Variants in MN1 observed in about 807,000 individuals in gnomAD.
MN1 encodes transcriptional activator MN1.
In MN1, 19 loss-of-function variants were observed where a neutral mutation model predicts 86.9. The observed-to-expected ratio is 0.22, with a 90% confidence interval of 0.15 to 0.32. MN1 has a LOEUF of 0.32. Ranked by LOEUF, MN1 falls within the 10% of genes least tolerant of loss-of-function variation. The probability of loss-of-function intolerance (pLI) is 1.00; values close to 1 mark genes in which losing one functional copy is unlikely to be tolerated. For missense variants in MN1, 1,841 were observed against 1,862.0 expected (o/e 0.99, Z 0.21); for synonymous variants, 928 against 849.6 (o/e 1.09, Z -1.60).
chr22:27,797,854 C>T lies in MN1; in HGVS notation c.2690G>A (p.Ser897Asn). 1.9e-6 allele frequency: 3 copies of T among 1,582,254 alleles called. No homozygotes were observed. Among genetic ancestry groups the T allele is most frequent in the South Asian group, 1.1e-5 (1 of 87,596 alleles). ...CCCCGAGGCTTTGGAGCCGCTGCTA[C>T]TGGTCCCGGACGGGCCTCCGGGTCC... ...APGPGGPSGTSSSGSKASGPP... is the reference protein window; with the variant it reads ...APGPGGPSGTNSSGSKASGPP... The change falls in exon 1 of 2, where the codon AGT (serine) becomes AAT (asparagine). Residue 897 changes from serine (S) to asparagine (N), a missense_variant. Coordinates refer to ENST00000302326, the MANE Select transcript of MN1 (RefSeq NM_002430.3).
chr22:27,799,985 G>A lies in MN1; in HGVS notation c.559C>T (p.Pro187Ser). 1 of 1,602,966 alleles carries A rather than the reference G, an allele frequency of 6.2e-7. No individual in the cohort carries two copies. Among genetic ancestry groups the A allele is most frequent in the Non-Finnish European group, 8.5e-7 (1 of 1,176,918 alleles). Residue 187 changes from proline to serine, a missense_variant, in exon 1 of 2, where the codon CCG becomes TCG. Pro to Ser is a moderately conservative substitution (Grantham distance 74). Transcript: ENST00000302326. ...TGGTCCAGCGGCAGGCATGGGGCCG[G>A]CACGGCGTGGCTGGAGGCACCTGAA... ...HSSGASSHAV[P>S]APCLPLDQSP...
chr22:27,775,610 G>A (rs562249869), intron 1 of MN1, among the ~76,000 whole-genome samples: 3 of 152,304 alleles, frequency 2.0e-5, no homozygotes, highest in African/African-American at 7.2e-5. Flanking sequence ...TGCTCAGGAC[G>A]TGCTGATGGA....
chr22:27,798,739 T>G lies in MN1; in HGVS notation c.1805A>C (p.Asn602Thr). The G allele has an allele frequency of 6.5e-7, 1 of 1,535,646 alleles. No homozygotes were observed. Among genetic ancestry groups the G allele is most frequent in the South Asian group, 1.2e-5 (1 of 84,086 alleles). ...CGTGCTGCCGCCTTCGCGCTCAAAGTTCGGCTGGGCCAAGCCGCCCACCGG... is the reference window on the plus strand; with the variant it reads ...CGTGCTGCCGCCTTCGCGCTCAAAGGTCGGCTGGGCCAAGCCGCCCACCGG... ...GGPVGGLAQP[N>T]FEREGGSTGA... is the part of the protein sequence containing the mutation. The change falls in exon 1 of 2, where the codon AAC (asparagine) becomes ACC (threonine). Residue 602 changes from asparagine to threonine, a missense_variant. Asn to Thr is a moderately conservative substitution (Grantham distance 65). Transcript: ENST00000302326.
chr22:27,768,262 T>C lies in MN1; in HGVS notation c.3782-17166A>G, dbSNP rs181535926. On this transcript the variant is annotated intron_variant, in intron 1 of 1. Transcript: ENST00000302326. Reference sequence around the variant, plus strand: ...AGAGGGTGAGAGATGGGCATACTCATCCAGGGGTTAGGGAGAGAGTCTGAT... The same window carrying C: ...AGAGGGTGAGAGATGGGCATACTCACCCAGGGGTTAGGGAGAGAGTCTGAT... Among the ~76,000 whole-genome samples, 537 of 152,232 alleles carry C rather than the reference T, an allele frequency of 3.5e-3. 15 individuals carry two copies. The highest frequency in any genetic ancestry group is 0.033 in the Admixed American group (503 of 15,278).
intron 1 of MN1, among the ~76,000 whole-genome samples, chr22:27,752,928 C>T (rs577835088): frequency 6.6e-6 from 1 of 152,324 alleles, no homozygotes; most frequent in East Asian, 1.9e-4. Flanking sequence ...CAGGAGTCAC[C>T]GGCCCGCCCT....
At chr22:27,751,159 G>C in intron 1 of MN1, 63 bp from the exon 2 acceptor site, 1 of 1,426,190 alleles carries the variant, frequency 7.0e-7, no homozygotes, top group Non-Finnish European at 9.4e-7. Flanking sequence ...ACACCATAAT[G>C]GGGGCCAAAG....
chr22:27,801,710 C>T lies in MN1; in HGVS notation c.-1167G>A, dbSNP rs888418682. Among the ~76,000 whole-genome samples, 2 of 152,204 alleles carry T rather than the reference C, an allele frequency of 1.3e-5. No individual in the cohort carries two copies. The highest frequency in any genetic ancestry group is 2.4e-5 in the African/African-American group (1 of 41,460). On this transcript the variant is annotated 5_prime_UTR_variant, in exon 1 of 2. Coordinates refer to ENST00000302326, the MANE Select transcript of MN1 (RefSeq NM_002430.3). ...GTGGGGCGTTCCGAGGGTCTCGGCT[C>T]CCCTCTCTGTGTCTGCCTCTCGCCC... is the stretch of plus-strand genomic sequence containing the variant.
At chr22:27,796,611 T>C (rs1452444945) in intron 1 of MN1, 152 bp downstream of exon 1, 4 of 732,900 alleles carry the variant, frequency 5.5e-6, no homozygotes, top group Admixed American at 5.8e-5. Context: ...GCCCTTGGTG[T>C]AAGCAAAGGT....
intron 1 of MN1, among the ~76,000 whole-genome samples, chr22:27,783,647 C>A (rs954869939): frequency 1.3e-5 from 2 of 152,164 alleles, no homozygotes; most frequent in Non-Finnish European, 2.9e-5. Context: ...CCTCTCTGGG[C>A]TTTCGTTATC....
At chr22:27,775,082 C>T (rs1258776388) in intron 1 of MN1, among the ~76,000 whole-genome samples, 4 of 152,238 alleles carry the variant, frequency 2.6e-5, no homozygotes, top group African/African-American at 9.6e-5. Flanking sequence ...ATGGGGGATA[C>T]ATCAGGCTTT....
In MN1 at chr22:27,798,452, G is replaced by T; in HGVS notation, c.2092C>A (p.Pro698Thr). The T allele has an allele frequency of 6.4e-7, 1 of 1,563,420 alleles. No individual in the cohort carries two copies. Among genetic ancestry groups the T allele is most frequent in the Non-Finnish European group, 8.6e-7 (1 of 1,164,074 alleles). The change falls in exon 1 of 2, where the codon CCG (proline) becomes ACG (threonine). Residue 698 changes from proline (P) to threonine (T), a missense_variant. By Grantham distance (38) the Pro-to-Thr change is conservative (BLOSUM62 -1). Coordinates refer to ENST00000302326, the MANE Select transcript of MN1 (RefSeq NM_002430.3). Reference protein sequence around the residue: ...GEGHVPALPSPGLQFGGSLGG... With the variant: ...GEGHVPALPSTGLQFGGSLGG... ...AGACTGCCCCCGAACTGCAGGCCCGGTGAAGGCAGCGCGGGCACGTGGCCC... is the reference window on the plus strand; with the variant it reads ...AGACTGCCCCCGAACTGCAGGCCCGTTGAAGGCAGCGCGGGCACGTGGCCC...
rs966365416 is a variant in MN1 at position 27,801,375 on chromosome 22, C to T, written c.-832G>A. The T allele has an allele frequency of 1.5e-5, 3 of 206,586 alleles. No homozygotes were observed. Among genetic ancestry groups the T allele is most frequent in the African/African-American group, 5.1e-5 (2 of 39,350 alleles). The allele number at this position is 206,586 out of a possible 1,614,324, so 12.8% of individuals were successfully genotyped here. A position where few individuals can be genotyped will look rare whatever the true frequency, so the allele number is the denominator to read the frequency against. On this transcript the variant is annotated 5_prime_UTR_variant, in exon 1 of 2. Coordinates refer to ENST00000302326, the MANE Select transcript of MN1 (RefSeq NM_002430.3). ...CTTCGCGGCCACGTCCGCCGCCTGC[C>T]GCTTCTGTTCTCCGCCGTTGGGTGT...
In MN1 at chr22:27,798,602, C is replaced by G; in HGVS notation, c.1942G>C (p.Gly648Arg). The G allele has an allele frequency of 6.4e-7, 1 of 1,557,802 alleles. No individual in the cohort carries two copies. Among genetic ancestry groups the G allele is most frequent in the Non-Finnish European group, 8.6e-7 (1 of 1,160,866 alleles). The change falls in exon 1 of 2, where the codon GGC becomes CGC. Residue 648 changes from glycine to arginine, a missense_variant. By Grantham distance (125) the Gly-to-Arg change is moderately radical. Transcript: ENST00000302326. ...PPGDLLPRRM[G>R]GSGLPADCGP... ...CAGTCAGCGGGCAGACCCGAGCCGC[C>G]CATCCTACGGGGCAGCAGGTCTCCG... is the stretch of plus-strand genomic sequence containing the variant.
chr22:27,762,474 A>G (rs1932841225), intron 1 of MN1, among the ~76,000 whole-genome samples: 1 of 152,172 alleles, frequency 6.6e-6, no homozygotes, highest in African/African-American at 2.4e-5. Flanking sequence ...ATATAATAAT[A>G]GTATTTGCTG....
intron 1 of MN1, among the ~76,000 whole-genome samples, chr22:27,787,508 G>A (rs1441153384): frequency 6.6e-6 from 1 of 152,162 alleles, no homozygotes; most frequent in Non-Finnish European, 1.5e-5. Context: ...TGCTGGATTT[G>A]TCACTTACTT....
At chr22:27,794,983 G>A (rs1601342097) in intron 1 of MN1, among the ~76,000 whole-genome samples, 2 of 149,482 alleles carry the variant, frequency 1.3e-5, no homozygotes, top group East Asian at 2.0e-4. Flanking sequence ...TATCGATCGG[G>A]CCAGATCGAG....
Position 27,796,891 on chromosome 22 carries a change from G to A in MN1, c.3653C>T (p.Ser1218Leu), listed in dbSNP as rs1178907184. 6 of 1,612,944 alleles carry A rather than the reference G, an allele frequency of 3.7e-6. No individual in the cohort carries two copies. The highest frequency in any genetic ancestry group is 2.2e-5 in the East Asian group (1 of 44,890). The change falls in exon 1 of 2, where the codon TCG (serine) becomes TTG (leucine). Residue 1218 changes from serine to leucine, a missense_variant. Coordinates refer to ENST00000302326, the MANE Select transcript of MN1 (RefSeq NM_002430.3). ...GGCAGCGCTGTGCTCTGCCATCAGC[G>A]AGTCCAGGTCAATGGTGCTCATGGC... ...KSAMSTIDLDSLMAEHSAAWY... is the reference protein window; with the variant it reads ...KSAMSTIDLDLLMAEHSAAWY...
chr22:27,799,523 G>A lies in MN1; in HGVS notation c.1021C>T (p.Pro341Ser), dbSNP rs1376540572. Residue 341 changes from proline to serine, a missense_variant, in exon 1 of 2, where the codon CCC (proline) becomes TCC (serine). Pro to Ser is a moderately conservative substitution (Grantham distance 74). Transcript: ENST00000302326. ...VGSRHPLMQP[P>S]QQAPPPPQQQ... The stretch of plus-strand genomic sequence containing the variant: ...TGAGGGGGTGGCGGGGCCTGCTGGG[G>A]AGGCTGCATTAACGGGTGCCTGGAG... 1.4e-6 allele frequency: 2 copies of A among 1,455,552 alleles called. No individual in the cohort carries two copies. 90.2% of individuals were successfully genotyped at this position (1,455,552 alleles called of 1,614,324 possible).
chr22:27,765,357 T>C (rs1452543112), intron 1 of MN1, among the ~76,000 whole-genome samples: 1 of 152,200 alleles, frequency 6.6e-6, no homozygotes, highest in Non-Finnish European at 1.5e-5. Context: ...GAAACCTCTT[T>C]GTCTTTCTAC....
Sources: allele counts gnomAD v4.1 joint callset (sites outside exome capture counted in the v4.1 genomes callset), GRCh38; gene constraint gnomAD v4.1.1; transcripts MANE v1.5; gene names NCBI Gene and HGNC (gene_info 2026-07-23, HGNC 2026-07-21).